Variants in GPHN observed in about 807,000 individuals in gnomAD.
GPHN encodes the protein gephyrin.
GPHN carries 17 observed loss-of-function variants against 95.5 expected under a neutral mutation model. The observed-to-expected ratio is 0.18, with a 90% CI of 0.12 to 0.27. GPHN has a LOEUF of 0.27. Ranked by LOEUF, GPHN falls within the 10% of genes least tolerant of loss-of-function variation. The probability of loss-of-function intolerance (pLI) is 1.00; values close to 1 mark genes in which losing one functional copy is unlikely to be tolerated. For synonymous variants in GPHN, 320 were observed against 322.5 expected, an observed-to-expected ratio of 0.99 and a Z score of 0.08; for missense variants, 660 against 978.1, an observed-to-expected ratio of 0.67 and a Z score of 4.34.
At chr14:67,205,099 A>C in the GPHN span, 1 of 1,543,076 alleles carries the variant, frequency 6.5e-7, no homozygotes, top group South Asian at 1.2e-5. Flanking sequence ...GGTATGTGTC[A>C]CTGAAGACTT....
the GPHN span, among the ~76,000 whole-genome samples, chr14:67,351,668 T>G: frequency 6.6e-6 from 1 of 151,800 alleles, no homozygotes; most frequent in Non-Finnish European, 1.5e-5. Flanking sequence ...GCCACCACAC[T>G]CTGCTAATTT....
the GPHN span, chr14:67,473,497 G>T: frequency 6.2e-7 from 1 of 1,614,204 alleles, no homozygotes. The surrounding 1 kb of genome is among the most constrained non-coding windows in gnomAD (Gnocchi z 6.5). Context: ...TTGTCGAAGC[G>T]GAGGCGGAGG....
rs187962593 is a variant in GPHN, at chr14:66,830,288, A to G, written c.294+5722A>G. On this transcript the variant is annotated intron_variant, in intron 4 of 22. Transcript: ENST00000478722. ...TATATTTTTAATTTTAGATGGAGCA[A>G]AGAAAAAATGCTTTTTTGCCATATT... Among the ~76,000 whole-genome samples, 80 of 152,256 alleles carry G rather than the reference A, an allele frequency of 5.3e-4. 1 individual carries two copies. The highest frequency in any genetic ancestry group is 6.2e-4 in the South Asian group (3 of 4,824).
At chr14:66,596,589 G>A (rs758423121) in intron 1 of GPHN, among the ~76,000 whole-genome samples, 2 of 152,208 alleles carry the variant, frequency 1.3e-5, no homozygotes, top group Non-Finnish European at 2.9e-5. Context: ...GTGCACACCT[G>A]GCTGATTCAT....
At chr14:66,727,120 G>T (rs2071317827) in intron 2 of GPHN, among the ~76,000 whole-genome samples, 1 of 152,140 alleles carries the variant, frequency 6.6e-6, no homozygotes, top group Non-Finnish European at 1.5e-5. Flanking sequence ...AAGATCTGAT[G>T]GTTTTTAAAA....
At chr14:67,635,867 A>T in the GPHN span, among the ~76,000 whole-genome samples, 20,433 of 152,070 alleles carry the variant, frequency 0.13, 1,387 homozygotes, top group Admixed American at 0.15. Context: ...AATTTTTTTT[A>T]AATTTTAAAT....
At chr14:67,189,882 C>T in the GPHN span, 1 of 141,150 alleles carries the variant, frequency 7.1e-6, no homozygotes, top group East Asian at 2.0e-4. Context: ...GCTTTGTCAC[C>T]CAGGCTGGAG....
Position 67,138,835 on chromosome 14 carries a change from T to G in GPHN, c.1749-4527T>G, listed in dbSNP as rs1277868291. 2.0e-5 allele frequency among the ~76,000 whole-genome samples: 3 copies of G among 151,742 alleles called. No individual in the cohort carries two copies. The South Asian group carries it at 6.2e-4, about 32-fold the overall frequency. Reference sequence around the variant, plus strand: ...ATAGTAAAATGTTCACACATGCAGTTTTCTGCTGGTTACCTCAGACAAATC... The same window carrying G: ...ATAGTAAAATGTTCACACATGCAGTGTTCTGCTGGTTACCTCAGACAAATC... On this transcript the variant is annotated intron_variant, in intron 17 of 22. Transcript: ENST00000478722.
chr14:66,545,108 G>A (rs982520968), intron 1 of GPHN, among the ~76,000 whole-genome samples: 7 of 152,284 alleles, frequency 4.6e-5, no homozygotes, highest in East Asian at 1.9e-4. Context: ...CCTCCCAGAC[G>A]GGGTGGTGGC....
At chr14:66,884,371 A>T (rs1384114902) in intron 5 of GPHN, among the ~76,000 whole-genome samples, 1 of 152,080 alleles carries the variant, frequency 6.6e-6, no homozygotes, top group African/African-American at 2.4e-5. Context: ...GAGAGAAGCT[A>T]TGGTTACTTT....
At chr14:66,976,725 AT>A (rs1410194344) in intron 9 of GPHN, among the ~76,000 whole-genome samples, 1 of 152,184 alleles carries the variant, frequency 6.6e-6, no homozygotes, top group African/African-American at 2.4e-5. Flanking sequence ...ATGAATAGAC[AT>A]TTTAACCCTG....
At chr14:66,662,647 A>G (rs750107603) in intron 1 of GPHN, among the ~76,000 whole-genome samples, 2 of 152,210 alleles carry the variant, frequency 1.3e-5, no homozygotes, top group Non-Finnish European at 2.9e-5. Context: ...ACAGAAGTAG[A>G]CTTCGGAATG....
chr14:66,600,076 T>G (rs965242240), intron 1 of GPHN, among the ~76,000 whole-genome samples: 1 of 152,040 alleles, frequency 6.6e-6, no homozygotes, highest in African/African-American at 2.4e-5. Context: ...TCAAATGTTT[T>G]TTAGTGTTTT....
chr14:67,572,073 C>T, the GPHN span: 1 of 1,554,272 alleles, frequency 6.4e-7, no homozygotes, highest in Non-Finnish European at 8.7e-7. Context: ...CTCAGCAGCT[C>T]CTGGGCTGCG....
intron 2 of GPHN, among the ~76,000 whole-genome samples, chr14:66,743,760 C>CA (rs1192576228): frequency 1.3e-5 from 2 of 151,950 alleles, no homozygotes; most frequent in Non-Finnish European, 2.9e-5. Context: ...ACAACAACAA[C>CA]AAAAAAACTC....
the GPHN span, chr14:67,202,954 G>A: frequency 5.5e-6 from 5 of 906,880 alleles, no homozygotes; most frequent in East Asian, 2.7e-5. Flanking sequence ...CCAAGAATTA[G>A]CATGAGCAAG....
rs57933607 is a variant in GPHN, at chr14:67,134,953, CTTTTTTTTTTTTT to C, written c.1749-8395_1749-8383del. Among the ~76,000 whole-genome samples, 3 of 45,240 alleles carry C rather than the reference CTTTTTTTTTTTTT, an allele frequency of 6.6e-5. 1 individual carries two copies. Among genetic ancestry groups the C allele is most frequent in the Admixed American group, 5.1e-4 (2 of 3,944 alleles). The allele number at this position is 45,240 out of a possible 152,430, so 29.7% of individuals were successfully genotyped here. A position where few individuals can be genotyped will look rare whatever the true frequency, so the allele number is the denominator to read the frequency against. ...CTTTTTTTCTCTTTCTTTCTTTCTTCTTTTTTTTTTTTTTTTTTTTTTTTTTGACAGAGTCTTA... is the reference window on the plus strand; with the variant it reads ...CTTTTTTTCTCTTTCTTTCTTTCTTCTTTTTTTTTTTTTGACAGAGTCTTA... On this transcript the variant is annotated intron_variant, in intron 17 of 22. Transcript: ENST00000478722.
the GPHN span, among the ~76,000 whole-genome samples, chr14:67,275,182 A>C: frequency 1.3e-5 from 2 of 152,206 alleles, no homozygotes; most frequent in Admixed American, 6.5e-5. Flanking sequence ...GAGAGAGGGC[A>C]TTCCTGTCTT....
At chr14:66,671,294 GA>G (rs1451278191) in intron 1 of GPHN, among the ~76,000 whole-genome samples, 2 of 152,174 alleles carry the variant, frequency 1.3e-5, no homozygotes, top group Non-Finnish European at 2.9e-5. Flanking sequence ...ATAAGAAGTG[GA>G]AAGTTCTCAG....
Sources: allele counts gnomAD v4.1 joint callset (sites outside exome capture counted in the v4.1 genomes callset), GRCh38; gene constraint gnomAD v4.1.1; non-coding constraint Gnocchi (gnomAD v3.1); transcripts MANE v1.5; gene names NCBI Gene and HGNC (gene_info 2026-07-23, HGNC 2026-07-21).